Variants in RNF180 observed in about 807,000 individuals in gnomAD.
RNF180 encodes E3 ubiquitin-protein ligase RNF180.
A neutral mutation model predicts 59.2 loss-of-function variants in RNF180; 38 were observed. That is an observed-to-expected ratio of 0.64 (90% CI 0.50 to 0.84). The LOEUF (loss-of-function observed/expected upper bound fraction) is 0.84. RNF180 is among the 40% of genes least tolerant of loss of function. The pLI, the probability that RNF180 is intolerant of heterozygous loss-of-function variation, is 0.00. For missense variants in RNF180, 705 were observed against 700.9 expected, an observed-to-expected ratio of 1.01 and a Z score of -0.07; for synonymous variants, 262 against 240.3, an observed-to-expected ratio of 1.09 and a Z score of -0.84.
chr5:64,197,590 A>G (rs1439770141), intron 1 of RNF180, among the ~76,000 whole-genome samples: 2 of 152,168 alleles, frequency 1.3e-5, no homozygotes, highest in Non-Finnish European at 2.9e-5. Flanking sequence ...AGTAAATAAT[A>G]TTGTATTAAA....
At chr5:64,322,595 A>G (rs1388819603) in intron 5 of RNF180, among the ~76,000 whole-genome samples, 1 of 122,238 alleles carries the variant, frequency 8.2e-6, no homozygotes, top group South Asian at 2.9e-4. Context: ...AACGGAATAT[A>G]TATATACGTG....
chr5:64,205,193 T>A (rs1053128380), intron 2 of RNF180, among the ~76,000 whole-genome samples: 6 of 152,156 alleles, frequency 3.9e-5, no homozygotes, highest in East Asian at 1.9e-4. Flanking sequence ...GCTTTTGTAA[T>A]GTTGTGTGGG....
At chr5:64,224,656 C>T (rs189066624) in intron 5 of RNF180, among the ~76,000 whole-genome samples, 5 of 152,284 alleles carry the variant, frequency 3.3e-5, no homozygotes, top group Non-Finnish European at 5.9e-5. Context: ...AGAGCACTGA[C>T]GTCCTCAGGC....
intron 5 of RNF180, among the ~76,000 whole-genome samples, chr5:64,261,630 A>G (rs950931227): frequency 1.1e-4 from 16 of 152,028 alleles, no homozygotes; most frequent in Admixed American, 9.2e-4. Context: ...CCCTCTCCCT[A>G]CCTTCGTTGT....
chr5:64,214,505 G>A lies in RNF180; in HGVS notation c.1179G>A (p.Trp393Ter). ...GGAAACAACGAAGGCGTGAAAGATG[G>A]CTACAGAAGCAGGTAATATTTTTCA... is the stretch of plus-strand genomic sequence containing the variant. The part of the protein sequence containing the change: ...LRRKQRRRER[W>*]LQKQGKYSGV... Residue 393 changes from tryptophan to a stop codon, truncating the protein, a stop_gained, in exon 4 of 8, where the codon TGG becomes TGA. Coordinates refer to ENST00000389100, the MANE Select transcript of RNF180 (RefSeq NM_001113561.2). LOFTEE classifies it high-confidence loss of function. 1 of 1,612,000 alleles carries A rather than the reference G, an allele frequency of 6.2e-7. No homozygotes were observed. Among genetic ancestry groups the A allele is most frequent in the Non-Finnish European group, 8.5e-7 (1 of 1,178,670 alleles).
chr5:64,261,907 C>G (rs760373451), intron 5 of RNF180, among the ~76,000 whole-genome samples: 1 of 152,084 alleles, frequency 6.6e-6, no homozygotes, highest in Non-Finnish European at 1.5e-5. Context: ...TGTAGGTATA[C>G]CTCGATTGGA....
intron 5 of RNF180, among the ~76,000 whole-genome samples, chr5:64,247,647 A>G (rs1379745340): frequency 6.6e-6 from 1 of 152,202 alleles, no homozygotes; most frequent in Non-Finnish European, 1.5e-5. Context: ...ATGCTTGTGG[A>G]TAGGAAGAAT....
In RNF180 at chr5:64,323,430, A is replaced by C. The variant is rs574924591; in HGVS notation, c.1228-1756A>C. 2.6e-5 allele frequency among the ~76,000 whole-genome samples: 4 copies of C among 152,198 alleles called. No homozygotes were observed. The South Asian group carries it at 6.2e-4, about 24-fold the overall frequency. Reference sequence around the variant, plus strand: ...ATGCCGCATGCCTGTAATCCCAACTACTTGGGAGGCTGAGGCAGGACAATC... The same window carrying C: ...ATGCCGCATGCCTGTAATCCCAACTCCTTGGGAGGCTGAGGCAGGACAATC... On this transcript the variant is annotated intron_variant, in intron 5 of 7. Coordinates refer to ENST00000389100, the MANE Select transcript of RNF180 (RefSeq NM_001113561.2).
intron 5 of RNF180, among the ~76,000 whole-genome samples, chr5:64,285,404 G>A (rs1387213243): frequency 2.6e-5 from 4 of 151,926 alleles, no homozygotes; most frequent in African/African-American, 4.8e-5. Flanking sequence ...AGATGCCAGC[G>A]GGGGAGAGGA....
intron 1 of RNF180, among the ~76,000 whole-genome samples, chr5:64,180,791 C>T (rs1470346228): frequency 6.6e-6 from 1 of 152,204 alleles, no homozygotes; most frequent in Non-Finnish European, 1.5e-5. Context: ...CTCAGATTCT[C>T]AGATACTACT....
intron 5 of RNF180, among the ~76,000 whole-genome samples, chr5:64,314,604 T>C (rs796554116): frequency 2.6e-5 from 4 of 152,222 alleles, no homozygotes; most frequent in African/African-American, 9.6e-5. Flanking sequence ...GGATTATAAA[T>C]ATTTACCATA....
intron 5 of RNF180, among the ~76,000 whole-genome samples, chr5:64,238,717 T>C (rs1742599306): frequency 6.6e-6 from 1 of 152,220 alleles, no homozygotes; most frequent in South Asian, 2.1e-4. Flanking sequence ...GAGCTCCTTA[T>C]ATACTTTGGA....
chr5:64,276,985 A>G (rs1741754122), intron 5 of RNF180, among the ~76,000 whole-genome samples: 1 of 152,044 alleles, frequency 6.6e-6, no homozygotes, highest in African/African-American at 2.4e-5. Flanking sequence ...TTTTTAAAGA[A>G]TTAATTCATA....
At chr5:64,247,552 G>A (rs1436364835) in intron 5 of RNF180, among the ~76,000 whole-genome samples, 1 of 152,150 alleles carries the variant, frequency 6.6e-6, no homozygotes, top group Non-Finnish European at 1.5e-5. Flanking sequence ...CAACTTACAA[G>A]GGATGTGAAG....
chr5:64,243,618 A>G (rs1742961198), intron 5 of RNF180, among the ~76,000 whole-genome samples: 1 of 152,100 alleles, frequency 6.6e-6, no homozygotes, highest in South Asian at 2.1e-4. Context: ...TACTCCCATC[A>G]CCCTAGGACA....
At chr5:64,274,919 T>A (rs1741631039) in intron 5 of RNF180, among the ~76,000 whole-genome samples, 1 of 152,194 alleles carries the variant, frequency 6.6e-6, no homozygotes, top group Non-Finnish European at 1.5e-5. Context: ...GTCCTCCATA[T>A]TGACTAAAGA....
At chr5:64,272,852 G>A (rs970067489) in intron 5 of RNF180, among the ~76,000 whole-genome samples, 2 of 151,928 alleles carry the variant, frequency 1.3e-5, no homozygotes, top group Non-Finnish European at 2.9e-5. Flanking sequence ...GTTTGGTTAT[G>A]GAGAGAAGAT....
At chr5:64,269,511 G>A (rs1259300040) in intron 5 of RNF180, among the ~76,000 whole-genome samples, 1 of 152,022 alleles carries the variant, frequency 6.6e-6, no homozygotes, top group African/African-American at 2.4e-5. Flanking sequence ...GCATCCCTGT[G>A]TGCCCAAGTA....
intron 7 of RNF180, among the ~76,000 whole-genome samples, chr5:64,340,855 A>G (rs1214286645): frequency 6.6e-6 from 1 of 152,114 alleles, no homozygotes; most frequent in Non-Finnish European, 1.5e-5. Flanking sequence ...ATTTTGTTCA[A>G]CTATCACCAC....
Sources: gnomAD v4.1 joint callset for allele counts (sites outside exome capture counted in the v4.1 genomes callset) on GRCh38, gnomAD v4.1.1 for gene constraint, MANE v1.5 for transcripts, NCBI Gene and HGNC (gene_info 2026-07-23, HGNC 2026-07-21) for gene names.